The following KCNIP4 variants were observed in gnomAD, a reference collection of about 807,000 sequenced individuals.
The protein encoded by KCNIP4 is Kv channel-interacting protein 4.
KCNIP4 carries 12 observed loss-of-function variants against 34.0 expected under a neutral mutation model. The observed-to-expected ratio is 0.35, with a 90% CI of 0.23 to 0.57. The LOEUF (loss-of-function observed/expected upper bound fraction) is 0.57. Among genes scored for constraint, KCNIP4 ranks in the 20% least tolerant of loss-of-function variants. The pLI is 0.83. For missense variants in KCNIP4, 238 were observed against 311.7 expected (o/e 0.76, Z 1.78); for synonymous variants, 124 against 102.2 (o/e 1.21, Z -1.29).
At chr4:21,018,879 A>C (rs530542077) in intron 1 of KCNIP4, among the ~76,000 whole-genome samples, 100 of 152,290 alleles carry the variant, frequency 6.6e-4, no homozygotes, top group African/African-American at 2.3e-3. Context: ...GGATAGGGTT[A>C]ATTCTGAATT....
intron 1 of KCNIP4, among the ~76,000 whole-genome samples, chr4:21,265,047 C>T (rs573857781): frequency 1.3e-5 from 2 of 151,826 alleles, no homozygotes; most frequent in Non-Finnish European, 1.5e-5. Flanking sequence ...TGCAGTGAGC[C>T]GAGATCATAC....
intron 1 of KCNIP4, among the ~76,000 whole-genome samples, chr4:21,934,518 A>T (rs1470636156): frequency 6.6e-6 from 1 of 152,128 alleles, no homozygotes; most frequent in Non-Finnish European, 1.5e-5. Context: ...TCCAGACTAT[A>T]TAAGATCTCT....
At chr4:21,405,929 G>A (rs1049048443) in intron 1 of KCNIP4, among the ~76,000 whole-genome samples, 3 of 152,312 alleles carry the variant, frequency 2.0e-5, no homozygotes, top group East Asian at 1.9e-4. Flanking sequence ...TCCGCCTCCC[G>A]GGTTCAAGCG....
At chr4:20,993,708 G>A (rs78229487) in intron 1 of KCNIP4, among the ~76,000 whole-genome samples, 3,670 of 152,272 alleles carry the variant, frequency 0.024, 156 homozygotes, top group African/African-American at 0.084. Flanking sequence ...CTATAATGCT[G>A]AAATCAGTTT....
At chr4:21,182,411 T>TTCACTCCC (rs1754904734) in intron 1 of KCNIP4, among the ~76,000 whole-genome samples, 1 of 150,936 alleles carries the variant, frequency 6.6e-6, no homozygotes, top group Non-Finnish European at 1.5e-5. Flanking sequence ...TTTTCCTCTT[T>TTCACTCCC]TCCCTCCCCC....
At chr4:21,011,060 C>T (rs560411163) in intron 1 of KCNIP4, among the ~76,000 whole-genome samples, 2 of 152,068 alleles carry the variant, frequency 1.3e-5, no homozygotes, top group Non-Finnish European at 2.9e-5. Context: ...TGCATAGTAG[C>T]GAAATAATTG....
chr4:21,173,560 T>C (rs2109303107), intron 1 of KCNIP4, among the ~76,000 whole-genome samples: 1 of 152,288 alleles, frequency 6.6e-6, no homozygotes, highest in Non-Finnish European at 1.5e-5. Flanking sequence ...ATCTCAAGGC[T>C]GTAAGAAAAA....
intron 4 of KCNIP4, among the ~76,000 whole-genome samples, chr4:20,757,037 A>C (rs1476880754): frequency 1.3e-5 from 2 of 152,038 alleles, no homozygotes; most frequent in African/African-American, 4.8e-5. Context: ...CTTCTTGTTG[A>C]GTCTAAATCC....
chr4:21,692,218 G>A (rs763652350), intron 1 of KCNIP4, among the ~76,000 whole-genome samples: 3 of 152,010 alleles, frequency 2.0e-5, no homozygotes, highest in Non-Finnish European at 1.5e-5. Context: ...GCTAATTATA[G>A]GAAAAAGAAC....
At chr4:21,037,465 T>C (rs1741552439) in intron 1 of KCNIP4, among the ~76,000 whole-genome samples, 1 of 152,224 alleles carries the variant, frequency 6.6e-6, no homozygotes, top group African/African-American at 2.4e-5. Context: ...TTGCCTGCGA[T>C]ACTCATACAA....
intron 1 of KCNIP4, among the ~76,000 whole-genome samples, chr4:21,317,115 G>T (rs756539752): frequency 2.0e-5 from 3 of 152,104 alleles, no homozygotes; most frequent in African/African-American, 2.4e-5. Context: ...TGTTCTTGTG[G>T]GATATAAATG....
intron 1 of KCNIP4, among the ~76,000 whole-genome samples, chr4:21,475,755 T>A (rs1229074423): frequency 6.6e-6 from 1 of 152,214 alleles, no homozygotes; most frequent in Non-Finnish European, 1.5e-5. Flanking sequence ...AGTTAAAGAC[T>A]ATTCATATCC....
chr4:21,511,657 G>T (rs1202941394), intron 1 of KCNIP4, among the ~76,000 whole-genome samples: 1 of 152,054 alleles, frequency 6.6e-6, no homozygotes, highest in Non-Finnish European at 1.5e-5. Context: ...TAGGACAACG[G>T]GAGCTCATGA....
chr4:20,793,774 T>C (rs1713084268), intron 3 of KCNIP4, among the ~76,000 whole-genome samples: 1 of 151,930 alleles, frequency 6.6e-6, no homozygotes, highest in South Asian at 2.1e-4. Flanking sequence ...AACTAGATGA[T>C]CCCATCTGAG....
chr4:21,629,233 G>T (rs1745544980), intron 1 of KCNIP4, among the ~76,000 whole-genome samples: 1 of 152,190 alleles, frequency 6.6e-6, no homozygotes, highest in African/African-American at 2.4e-5. Context: ...GACATATTGT[G>T]TCAATAGTTA....
chr4:20,964,527 A>G (rs1734156100), intron 1 of KCNIP4, among the ~76,000 whole-genome samples: 1 of 151,676 alleles, frequency 6.6e-6, no homozygotes, highest in Non-Finnish European at 1.5e-5. Context: ...TTTGGGGGGG[A>G]GGTGGTAATT....
chr4:21,685,857 G>T (rs1750766992), intron 1 of KCNIP4, among the ~76,000 whole-genome samples: 1 of 152,194 alleles, frequency 6.6e-6, no homozygotes. Context: ...TTTACTTGAA[G>T]ATAGGCTAGG....
At chr4:21,721,406 TAAG>T (rs1480287679) in intron 1 of KCNIP4, among the ~76,000 whole-genome samples, 1 of 152,120 alleles carries the variant, frequency 6.6e-6, no homozygotes, top group African/African-American at 2.4e-5. Flanking sequence ...TTTAAAAAAA[TAAG>T]AAGAAAGAAA....
At chr4:21,652,368 A>G (rs1166844794) in intron 1 of KCNIP4, among the ~76,000 whole-genome samples, 1 of 152,172 alleles carries the variant, frequency 6.6e-6, no homozygotes, top group African/African-American at 2.4e-5. Context: ...CATTTTGATG[A>G]AAAAGTATAG....
Sources: gnomAD v4.1 joint callset for allele counts (sites outside exome capture counted in the v4.1 genomes callset) on GRCh38, gnomAD v4.1.1 for gene constraint, MANE v1.5 for transcripts, NCBI Gene and HGNC (gene_info 2026-07-23, HGNC 2026-07-21) for gene names.